Variants in SLC14A1 observed in about 807,000 individuals in gnomAD.
The protein encoded by SLC14A1 is urea transporter 1.
A neutral mutation model predicts 39.6 loss-of-function variants in SLC14A1; 36 were observed. The ratio of observed to expected loss-of-function variants is 0.91; its 90% CI spans 0.70 to 1.20. SLC14A1 has a LOEUF of 1.20. SLC14A1 is among the 50% of genes most tolerant of loss of function. SLC14A1 has a pLI of 0.00. For synonymous variants in SLC14A1, 164 were observed against 173.6 expected, an observed-to-expected ratio of 0.94 and a Z score of 0.43; for missense variants, 469 against 478.7, an observed-to-expected ratio of 0.98 and a Z score of 0.19.
In SLC14A1 at chr18:45,744,751, T is replaced by TC. The variant is rs200532420; in HGVS notation, c.947-3621dup. 2.7e-4 allele frequency among the ~76,000 whole-genome samples: 41 copies of TC among 152,336 alleles called. 1 individual carries two copies. The East Asian group carries it at 5.8e-3, about 21-fold the overall frequency. On this transcript the variant is annotated intron_variant, in intron 8 of 9. Coordinates refer to ENST00000321925, the MANE Select transcript of SLC14A1 (RefSeq NM_015865.7). Reference sequence around the variant, plus strand: ...TACTTTGTCAAATCTTTTCAATTTTTCCCCTCTCCTTCTGTGATTTCTAGT... The same window carrying TC: ...TACTTTGTCAAATCTTTTCAATTTTTCCCCCTCTCCTTCTGTGATTTCTAGT...
At chr18:45,734,439 A>AC in intron 5 of SLC14A1, 37 bp downstream of exon 5, 1 of 1,610,296 alleles carries the variant, frequency 6.2e-7, no homozygotes, top group Non-Finnish European at 8.5e-7. Flanking sequence ...CCTTTTTGAA[A>AC]AAAAAAACAT....
At chr18:45,730,572 T>C in intron 3 of SLC14A1, 101 bp downstream of exon 3, 2 of 1,270,508 alleles carry the variant, frequency 1.6e-6, no homozygotes, top group African/African-American at 1.5e-5. Context: ...TCTCCAACTT[T>C]TTATAGATCT....
At chr18:45,745,879 C>T (rs1412066067) in intron 8 of SLC14A1, among the ~76,000 whole-genome samples, 2 of 152,158 alleles carry the variant, frequency 1.3e-5, no homozygotes, top group African/African-American at 4.8e-5. Context: ...TGTAAAATGC[C>T]ACAGCAAGTT....
chr18:45,739,040 C>T, intron 6 of SLC14A1, 123 bp from the exon 7 acceptor site: 1 of 1,022,780 alleles, frequency 9.8e-7, no homozygotes, highest in East Asian at 2.4e-5. Flanking sequence ...ATGGTATTAA[C>T]ACTGTTCTTG....
At chr18:45,732,015 C>T (rs758979211) in intron 4 of SLC14A1, among the ~76,000 whole-genome samples, 9 of 152,220 alleles carry the variant, frequency 5.9e-5, no homozygotes, top group Non-Finnish European at 1.2e-4. Flanking sequence ...CTGATTTGCT[C>T]CCTGTAGAAG....
chr18:45,730,894 A>C, intron 3 of SLC14A1, 121 bp from the exon 4 acceptor site: 1 of 880,504 alleles, frequency 1.1e-6, no homozygotes, highest in Non-Finnish European at 1.9e-6. Flanking sequence ...GAGAAATATT[A>C]AAGAAATATC....
At chr18:45,745,294 G>A (rs1026775820) in intron 8 of SLC14A1, among the ~76,000 whole-genome samples, 1 of 152,136 alleles carries the variant, frequency 6.6e-6, no homozygotes, top group Admixed American at 6.5e-5. Context: ...TTCTTTTATG[G>A]TATTTGCTCT....
intron 6 of SLC14A1, 47 bp downstream of exon 6, chr18:45,736,695 G>A (rs773564668): frequency 1.6e-5 from 24 of 1,537,200 alleles, no homozygotes; most frequent in Non-Finnish European, 1.8e-5. Context: ...TGCAAGATAC[G>A]CAATGGCCTC....
chr18:45,731,250 G>T (rs966737411), intron 4 of SLC14A1, 46 bp downstream of exon 4: 29 of 1,575,838 alleles, frequency 1.8e-5, no homozygotes, highest in Non-Finnish European at 2.5e-5. Context: ...CTGAGACACA[G>T]GGGCTGACCA....
intron 8 of SLC14A1, among the ~76,000 whole-genome samples, chr18:45,745,980 G>GT (rs1184413251): frequency 3.9e-5 from 6 of 152,340 alleles, no homozygotes; most frequent in East Asian, 1.9e-4. Context: ...TTACAGAGCT[G>GT]TTTTTTTATC....
intron 4 of SLC14A1, chr18:45,731,514 T>C (rs548384855): frequency 2.8e-4 from 116 of 417,112 alleles, no homozygotes; most frequent in African/African-American, 1.8e-3. Context: ...TAAAATTATT[T>C]GTCGTCAGCA....
In SLC14A1 at chr18:45,730,437, C is replaced by T. The variant is rs770619534; in HGVS notation, c.117C>T (p.Thr39=). The change falls in exon 3 of 10, where the codon ACC becomes ACT. Residue 39 remains threonine, a synonymous_variant. Coordinates refer to ENST00000321925, the MANE Select transcript of SLC14A1 (RefSeq NM_015865.7). ...TCCCCAAAGCTCTTGGCTATGTCAC[C>T]GGTGACATGAAAGAACTTGCCAACC... ...RCFPKALGYV[T]GDMKELANQL... 1.2e-5 allele frequency: 20 copies of T among 1,614,018 alleles called. No homozygotes were observed. Among genetic ancestry groups the T allele is most frequent in the African/African-American group, 4.0e-5 (3 of 74,914 alleles).
Position 45,736,662 on chromosome 18 carries a change from G to A in SLC14A1, c.663+14G>A, listed in dbSNP as rs899723731. On this transcript the variant is annotated intron_variant, in intron 6 of 9. Coordinates refer to ENST00000321925, the MANE Select transcript of SLC14A1 (RefSeq NM_015865.7). ...AGTGCCCTGGAGGTAAGAGACACTG[G>A]CTTCTCACATTCGCCCTGGCTCTGC... 6.2e-7 allele frequency: 1 copy of A among 1,612,178 alleles called. No homozygotes were observed. The highest frequency in any genetic ancestry group is 1.3e-5 in the African/African-American group (1 of 74,862).
At chr18:45,735,710 C>T (rs866918714) in intron 5 of SLC14A1, among the ~76,000 whole-genome samples, 1 of 152,168 alleles carries the variant, frequency 6.6e-6, no homozygotes, top group Non-Finnish European at 1.5e-5. Context: ...TTGGGCCCTG[C>T]TCTGAAGAAT....
intron 2 of SLC14A1, among the ~76,000 whole-genome samples, chr18:45,728,536 C>T (rs1044496272): frequency 6.6e-6 from 1 of 152,130 alleles, no homozygotes; most frequent in South Asian, 2.1e-4. Flanking sequence ...TGGGTCACTA[C>T]AGCAGAGGCA....
In SLC14A1 at chr18:45,751,001, C is replaced by T. The variant is rs2047686875; in HGVS notation, c.*1050C>T. On this transcript the variant is annotated 3_prime_UTR_variant, in exon 10 of 10. Transcript: ENST00000321925. ...AAAAAAGCTCATTATTTTTTGCACA[C>T]TCACAATATTCTCTCTCAGAAATCA... is the stretch of plus-strand genomic sequence containing the variant. 11 of 985,006 alleles carry T rather than the reference C, an allele frequency of 1.1e-5. No individual in the cohort carries two copies. The highest frequency in any genetic ancestry group is 1.3e-5 in the Non-Finnish European group (11 of 829,720). The allele number at this position is 985,006 out of a possible 1,614,324, so 61.0% of individuals were successfully genotyped here.
chr18:45,731,413 T>C (rs2047026186), intron 4 of SLC14A1: 2 of 630,868 alleles, frequency 3.2e-6, no homozygotes, highest in East Asian at 2.8e-5. Flanking sequence ...GTCTAAATGA[T>C]GCCAGATTCT....
chr18:45,750,707 T>C lies in SLC14A1; in HGVS notation c.*756T>C. 1.0e-6 allele frequency: 1 copy of C among 984,944 alleles called. No homozygotes were observed. The highest frequency in any genetic ancestry group is 1.2e-6 in the Non-Finnish European group (1 of 829,498). The allele number at this position is 984,944 out of a possible 1,614,324, so 61.0% of individuals were successfully genotyped here. Reference sequence around the variant, plus strand: ...GAAAAATGATCTGTTTTAAATGAGATAAAATAGGAGAAGTTCCTGGCTTAA... The same window carrying C: ...GAAAAATGATCTGTTTTAAATGAGACAAAATAGGAGAAGTTCCTGGCTTAA... On this transcript the variant is annotated 3_prime_UTR_variant, in exon 10 of 10. Coordinates refer to ENST00000321925, the MANE Select transcript of SLC14A1 (RefSeq NM_015865.7).
intron 2 of SLC14A1, 103 bp from the exon 3 acceptor site, chr18:45,730,197 T>C (rs2046986360): frequency 1.6e-6 from 2 of 1,257,392 alleles, no homozygotes; most frequent in Admixed American, 2.6e-5. Context: ...CTTAGTTCTA[T>C]GGAACATAGT....
Sources: allele counts gnomAD v4.1 joint callset (sites outside exome capture counted in the v4.1 genomes callset), GRCh38; gene constraint gnomAD v4.1.1; transcripts MANE v1.5; gene names NCBI Gene and HGNC (gene_info 2026-07-23, HGNC 2026-07-21).